HDAC8: variants seen among roughly 807,000 people sequenced by gnomAD.
HDAC8 encodes histone deacetylase 8, also known as histone deacetylase-like 1.
In HDAC8, 1 loss-of-function variant was observed where a neutral mutation model predicts 32.2. The observed-to-expected ratio is 0.03, with a 90% CI of 0.01 to 0.15. The LOEUF (loss-of-function observed/expected upper bound fraction) is 0.15. HDAC8 is among the 10% of genes least tolerant of loss of function. The pLI is 1.00. For missense variants in HDAC8, 117 were observed against 300.0 expected, an observed-to-expected ratio of 0.39 and a Z score of 4.51; for synonymous variants, 108 against 113.9, an observed-to-expected ratio of 0.95 and a Z score of 0.33.
chrX:72,471,360 T>G (rs2048170665), intron 7 of HDAC8, among the ~76,000 whole-genome samples: 1 of 111,961 alleles, frequency 8.9e-6, no homozygotes, highest in African/African-American at 3.2e-5. Flanking sequence ...TACCTAGGAG[T>G]AGAATTGCTG....
At chrX:72,393,552 G>A (rs1049061604) in intron 9 of HDAC8, among the ~76,000 whole-genome samples, 24 of 111,858 alleles carry the variant, frequency 2.1e-4, no homozygotes, top group African/African-American at 7.8e-4. Context: ...ACGTCCCTCA[G>A]TTGAAGGATT....
Position 72,467,693 on chromosome X carries a change from C to A in HDAC8, c.738-2962G>T, listed in dbSNP as rs1926755776. ...CATCTGTGTGTGTGTGCTTTGAAGG[C>A]ATAATTAGATTTCCATTTTAAAGAT... is the stretch of plus-strand genomic sequence containing the variant. On this transcript the variant is annotated intron_variant, in intron 7 of 10. Transcript: ENST00000373573. 5 of 300,190 alleles carry A rather than the reference C, an allele frequency of 1.7e-5. 1 individual carries two copies. Among genetic ancestry groups the A allele is most frequent in the Non-Finnish European group, 2.9e-5 (5 of 174,528 alleles). 24.7% of individuals were successfully genotyped at this position (300,190 alleles called of 1,213,427 possible).
chrX:72,443,304 A>G (rs5958796), intron 9 of HDAC8, among the ~76,000 whole-genome samples: 3,158 of 109,716 alleles, frequency 0.029, 116 homozygotes, highest in African/African-American at 0.1. Flanking sequence ...TCCTCAGCAA[A>G]TGTAAAAGAA....
intron 4 of HDAC8, among the ~76,000 whole-genome samples, chrX:72,563,547 T>G (rs1002985517): frequency 6.3e-5 from 7 of 111,112 alleles, no homozygotes; most frequent in Non-Finnish European, 1.1e-4. Flanking sequence ...GTCTCATAAG[T>G]AAATAATAAA....
intron 3 of HDAC8, 38 bp downstream of exon 3, chrX:72,568,716 T>A (rs1556141683): frequency 8.4e-6 from 10 of 1,195,692 alleles, no homozygotes; most frequent in Non-Finnish European, 1.1e-5. Context: ...AAAAAATTAG[T>A]CTGTCCATCT....
intron 9 of HDAC8, among the ~76,000 whole-genome samples, chrX:72,396,852 A>AC (rs60604457): frequency 0.086 from 9,591 of 111,422 alleles, 1,047 homozygotes; most frequent in African/African-American, 0.3. Flanking sequence ...AACAACAACA[A>AC]AAACAACAAC....
At chrX:72,521,684 T>G (rs1300755591) in intron 4 of HDAC8, among the ~76,000 whole-genome samples, 2 of 111,593 alleles carry the variant, frequency 1.8e-5, no homozygotes, top group Non-Finnish European at 3.8e-5. Context: ...TTACCCATAT[T>G]TACTATAATT....
chrX:72,470,613 A>T (rs948946983), intron 7 of HDAC8, among the ~76,000 whole-genome samples: 2 of 111,172 alleles, frequency 1.8e-5, no homozygotes, highest in Non-Finnish European at 3.8e-5. Flanking sequence ...ACTTATCCAC[A>T]TACTGGCCGC....
chrX:72,545,117 G>A (rs1556050408), intron 4 of HDAC8, among the ~76,000 whole-genome samples: 1 of 112,062 alleles, frequency 8.9e-6, no homozygotes, highest in Non-Finnish European at 1.9e-5. Context: ...TGTTTTGGGT[G>A]GGGTAGAAGG....
intron 9 of HDAC8, among the ~76,000 whole-genome samples, chrX:72,432,317 GT>G (rs1223087410): frequency 2.7e-5 from 3 of 110,478 alleles, no homozygotes; most frequent in Non-Finnish European, 5.7e-5. Flanking sequence ...TACCTCTCCT[GT>G]TAAAAGCCTT....
intron 4 of HDAC8, among the ~76,000 whole-genome samples, chrX:72,527,924 C>T (rs987197385): frequency 1.5e-4 from 16 of 109,408 alleles, no homozygotes; most frequent in African/African-American, 4.7e-4. Flanking sequence ...TACAGGTGTG[C>T]ACCACCATGC....
At chrX:72,540,935 G>A (rs2050685305) in intron 4 of HDAC8, among the ~76,000 whole-genome samples, 1 of 111,326 alleles carries the variant, frequency 9.0e-6, no homozygotes, top group Admixed American at 9.6e-5. Context: ...ATACGAGCTG[G>A]GGCCTTGTAT....
chrX:72,442,126 G>T (rs1368250637), intron 9 of HDAC8, among the ~76,000 whole-genome samples: 2 of 111,289 alleles, frequency 1.8e-5, no homozygotes, highest in African/African-American at 6.5e-5. Context: ...ATATTATCCA[G>T]GAGAACTTCC....
At chrX:72,534,470 G>A (rs1946543526) in intron 4 of HDAC8, among the ~76,000 whole-genome samples, 2 of 109,193 alleles carry the variant, frequency 1.8e-5, no homozygotes, top group African/African-American at 3.3e-5. Context: ...CACCATGCCC[G>A]GCTAATTTTT....
At chrX:72,525,901 C>T (rs1428410776) in intron 4 of HDAC8, among the ~76,000 whole-genome samples, 2 of 105,001 alleles carry the variant, frequency 1.9e-5, no homozygotes, top group African/African-American at 3.5e-5. Context: ...CATCAAGTGA[C>T]CCATTTGCAT....
chrX:72,501,652 C>T (rs1279201171), intron 4 of HDAC8, among the ~76,000 whole-genome samples: 1 of 111,741 alleles, frequency 8.9e-6, no homozygotes, highest in East Asian at 2.8e-4. Flanking sequence ...ATGTAAAACC[C>T]AAAACTATAA....
At chrX:72,549,300 T>A (rs979070353) in intron 4 of HDAC8, among the ~76,000 whole-genome samples, 10 of 110,116 alleles carry the variant, frequency 9.1e-5, no homozygotes, top group Non-Finnish European at 1.9e-4. Flanking sequence ...AGTATTTGTT[T>A]GTTCCCCCCC....
At chrX:72,446,433 G>A (rs1251867712) in intron 9 of HDAC8, among the ~76,000 whole-genome samples, 1 of 110,274 alleles carries the variant, frequency 9.1e-6, no homozygotes, top group African/African-American at 3.3e-5. Flanking sequence ...ACTATCGCAA[G>A]GACAAAAAAC....
At chrX:72,498,241 A>G (rs1407177597) in intron 4 of HDAC8, among the ~76,000 whole-genome samples, 2 of 110,617 alleles carry the variant, frequency 1.8e-5, no homozygotes, top group African/African-American at 3.3e-5. Context: ...GATTTATTCA[A>G]TATATTACTA....
Sources: allele counts gnomAD v4.1 joint callset (sites outside exome capture counted in the v4.1 genomes callset), GRCh38; gene constraint gnomAD v4.1.1; transcripts MANE v1.5; gene names NCBI Gene and HGNC (gene_info 2026-07-23, HGNC 2026-07-21).